Variants in HSPG2 observed in about 807,000 individuals in gnomAD.
HSPG2 encodes heparan sulfate proteoglycan 2.
In HSPG2, 278 loss-of-function variants were observed where a neutral mutation model predicts 526.6. The ratio of observed to expected loss-of-function variants is 0.53; its 90% CI spans 0.48 to 0.58. HSPG2 has a LOEUF of 0.58. Ranked by LOEUF, HSPG2 falls within the 20% of genes least tolerant of loss-of-function variation. The pLI is 0.00. For synonymous variants in HSPG2, 2,465 were observed against 2,555.4 expected, an observed-to-expected ratio of 0.96 and a Z score of 1.07; for missense variants, 5,354 against 6,099.5, an observed-to-expected ratio of 0.88 and a Z score of 4.07.
At position 21,847,896 on chromosome 1, in the gene HSPG2, CG is replaced by C. The variant is rs1557708388; in HGVS notation, c.7874-57del. 13 of 1,613,744 alleles carry C rather than the reference CG, an allele frequency of 8.1e-6. No homozygotes were observed. Among genetic ancestry groups the C allele is most frequent in the Non-Finnish European group, 1.0e-5 (12 of 1,179,986 alleles). ...CAGAGTGAGATAACAGTGATGGCAC[CG>C]GGGACCTCTCTGCCACCCTCTGCGC... On this transcript the variant is annotated intron_variant, in intron 60 of 96. Coordinates refer to ENST00000374695, the MANE Select transcript of HSPG2 (RefSeq NM_005529.7). This position sits in a 1 kb window ranked among gnomAD's most constrained non-coding sequence, Gnocchi z 4.1.
At chr1:21,855,278 C>G (rs779170241) in intron 47 of HSPG2, 26 bp downstream of exon 47, 2 of 1,591,290 alleles carry the variant, frequency 1.3e-6, no homozygotes, top group Non-Finnish European at 1.7e-6. Context: ...TGGGCCTCCT[C>G]CTCCTGGGTG....
intron 91 of HSPG2, among the ~76,000 whole-genome samples, chr1:21,825,910 C>T (rs375751100): frequency 1.3e-5 from 2 of 151,708 alleles, no homozygotes; most frequent in African/African-American, 4.8e-5. Context: ...CTTGGCCTCC[C>T]GAGTAGCTGG....
chr1:21,847,028 A>G lies in HSPG2; in HGVS notation c.8164+326T>C, dbSNP rs1194676509. On this transcript the variant is annotated intron_variant, in intron 62 of 96. Transcript: ENST00000374695. This position sits in a 1 kb window ranked among gnomAD's most constrained non-coding sequence, Gnocchi z 4.1. ...AAAAAAAAAATGATAATAATAGTTA[A>G]CACTTATAAAGCACTTCTGGCATGC... Among the ~76,000 whole-genome samples, 1 of 152,130 alleles carries G rather than the reference A, an allele frequency of 6.6e-6. No individual in the cohort carries two copies. Among genetic ancestry groups the G allele is most frequent in the Non-Finnish European group, 1.5e-5 (1 of 68,026 alleles).
rs755175085 is a variant in HSPG2 at position 21,884,705 on chromosome 1, C to T, written c.1508-31G>A. On this transcript the variant is annotated intron_variant, in intron 12 of 96. Coordinates refer to ENST00000374695, the MANE Select transcript of HSPG2 (RefSeq NM_005529.7). ...GGGCGGCATGGGCGGGGGCTGCAGCCGGCTGTGGTGGGCAGCCCGGCTCTG... is the reference window on the plus strand; with the variant it reads ...GGGCGGCATGGGCGGGGGCTGCAGCTGGCTGTGGTGGGCAGCCCGGCTCTG... The T allele has an allele frequency of 4.6e-5, 74 of 1,610,446 alleles. No individual in the cohort carries two copies. In the Admixed American group the frequency reaches 1.1e-3, roughly 23 times the overall value.
intron 6 of HSPG2, 97 bp from the exon 7 acceptor site, chr1:21,888,163 T>A: frequency 6.5e-7 from 1 of 1,531,722 alleles, no homozygotes. Flanking sequence ...TCCAGGGCCC[T>A]GTGTCAGGCA....
Position 21,888,086 on chromosome 1 carries a change from A to T in HSPG2, c.575-20T>A. Reference sequence around the variant, plus strand: ...GGGGCACTGCAGGTGGAAAGGAAGCAGACTGGAGTCAGAGGCGGCAGGAGG... The same window carrying T: ...GGGGCACTGCAGGTGGAAAGGAAGCTGACTGGAGTCAGAGGCGGCAGGAGG... On this transcript the variant is annotated intron_variant, in intron 6 of 96. Coordinates refer to ENST00000374695, the MANE Select transcript of HSPG2 (RefSeq NM_005529.7). 1.2e-6 allele frequency: 2 copies of T among 1,613,770 alleles called. No individual in the cohort carries two copies. Among genetic ancestry groups the T allele is most frequent in the Non-Finnish European group, 1.7e-6 (2 of 1,180,022 alleles).
Position 21,885,390 on chromosome 1 carries a change from CAT to C in HSPG2, c.1138_1139del (p.Met380ValfsTer9). ...PTQFRCVSTNMCIPASFHCDE... is the reference protein window; with the variant it reads ...PTQFRCVSTNXCIPASFHCDE... ...CACAGTGGAAGCTGGCTGGGATGCA[CAT>C]GTTGGTAGAGACGCATCGGAACTGT... On this transcript the variant is annotated frameshift_variant, in exon 10 of 97. Transcript: ENST00000374695. LOFTEE classifies it high-confidence loss of function. 6.2e-7 allele frequency: 1 copy of C among 1,614,110 alleles called. No homozygotes were observed. The highest frequency in any genetic ancestry group is 8.5e-7 in the Non-Finnish European group (1 of 1,180,002).
At chr1:21,934,674 C>A (rs1242668857) in intron 1 of HSPG2, among the ~76,000 whole-genome samples, 1 of 151,876 alleles carries the variant, frequency 6.6e-6, no homozygotes, top group East Asian at 1.9e-4. Flanking sequence ...CGGCTCACTG[C>A]AAGCTCCGCC....
Position 21,872,550 on chromosome 1 carries a change from A to G in HSPG2, c.4029+70T>C. ...GGCGGGGATGAGGGTCGCTGGGCTC[A>G]GTGCTCAGATGGACAGTAACAGGCA... On this transcript the variant is annotated intron_variant, in intron 32 of 96. Transcript: ENST00000374695. The surrounding 1 kb of genome is among the most constrained non-coding windows in gnomAD (Gnocchi z 5.5). 6.5e-7 allele frequency: 1 copy of G among 1,536,606 alleles called. No homozygotes were observed. The highest frequency in any genetic ancestry group is 1.2e-5 in the South Asian group (1 of 83,740).
Position 21,823,587 on chromosome 1 carries a change from C to G in HSPG2, c.13003+29G>C, listed in dbSNP as rs557283129. 11 of 1,611,356 alleles carry G rather than the reference C, an allele frequency of 6.8e-6. No homozygotes were observed. The Admixed American group carries it at 1.8e-4, about 27-fold the overall frequency. ...GCCCTAAGGGAGTGCCGTTCCTGCC[C>G]CTGCCCTGAGAAGGAGCCCCAGACT... On this transcript the variant is annotated intron_variant, in intron 96 of 96. Coordinates refer to ENST00000374695, the MANE Select transcript of HSPG2 (RefSeq NM_005529.7).
intron 16 of HSPG2, 22 bp from the exon 17 acceptor site, chr1:21,880,276 A>G: frequency 6.2e-7 from 1 of 1,614,050 alleles, no homozygotes; most frequent in African/African-American, 1.3e-5. Flanking sequence ...GGACCAAAAG[A>G]GTCGCTGCAA....
At chr1:21,873,236 G>A in intron 30 of HSPG2, 139 bp downstream of exon 30, 1 of 1,176,142 alleles carries the variant, frequency 8.5e-7, no homozygotes. Context: ...AGGTGGTGGG[G>A]CCTTCTCCTA....
chr1:21,835,336 A>G, intron 76 of HSPG2: 1 of 625,270 alleles, frequency 1.6e-6, no homozygotes, highest in Non-Finnish European at 2.9e-6. Context: ...CACACACTCC[A>G]TCCATATCCT....
chr1:21,910,998 C>A (rs1643628240), intron 1 of HSPG2, among the ~76,000 whole-genome samples: 1 of 152,180 alleles, frequency 6.6e-6, no homozygotes, highest in South Asian at 2.1e-4. Context: ...CCCTGGCATC[C>A]TGCGCCAAAT....
At position 21,890,031 on chromosome 1, in the gene HSPG2, G is replaced by A. The variant is rs1356853417; in HGVS notation, c.524C>T (p.Ala175Val). Residue 175 changes from alanine (A) to valine (V), a missense_variant, in exon 6 of 97, where the codon GCC (alanine) becomes GTC (valine). By Grantham distance (64) the Ala-to-Val change is moderately conservative. Coordinates refer to ENST00000374695, the MANE Select transcript of HSPG2 (RefSeq NM_005529.7). This position sits in a 1 kb window ranked among gnomAD's most constrained non-coding sequence, Gnocchi z 4.1. The part of the protein sequence containing the change: ...LLRVISSGSV[A>V]SYVTSPQGFQ... ...TCCCTGGGGAGAGGTGACGTAGGAG[G>A]CCACAGAGCCGCTGGAGATGACCCT... is the stretch of plus-strand genomic sequence containing the variant. 1.2e-6 allele frequency: 2 copies of A among 1,614,086 alleles called. No homozygotes were observed. Among genetic ancestry groups the A allele is most frequent in the East Asian group, 2.2e-5 (1 of 44,878 alleles).
chr1:21,836,915 C>T lies in HSPG2; in HGVS notation c.10242G>A (p.Gly3414=), dbSNP rs1444718283. ...VTPQLETKSI[G]ASVEFHCAVP... ...CAGCACAGTGGAACTCAACGCTGGC[C>T]CCAATGCTCTTGGTCTCTAGCTGAG... is the stretch of plus-strand genomic sequence containing the variant. Residue 3414 remains glycine, a synonymous_variant, in exon 75 of 97, where the codon GGG becomes GGA. Transcript: ENST00000374695. 2 of 1,560,062 alleles carry T rather than the reference C, an allele frequency of 1.3e-6. No homozygotes were observed. The highest frequency in any genetic ancestry group is 4.8e-5 in the East Asian group (2 of 41,702).
Position 21,850,064 on chromosome 1 carries a change from C to T in HSPG2, c.7423G>A (p.Gly2475Ser). The T allele has an allele frequency of 6.2e-7, 1 of 1,613,406 alleles. No individual in the cohort carries two copies. Among genetic ancestry groups the T allele is most frequent in the Non-Finnish European group, 8.5e-7 (1 of 1,180,006 alleles). ...HAQVTWHKRG[G>S]SLPARHQVHG... ...ACCTGGTGCCGGGCCGGGAGGCTGCCCCCGCGCTTGTGCCACGTGACCTGG... is the reference window on the plus strand; with the variant it reads ...ACCTGGTGCCGGGCCGGGAGGCTGCTCCCGCGCTTGTGCCACGTGACCTGG... Residue 2475 changes from glycine to serine, a missense_variant, in exon 57 of 97, where the codon GGC becomes AGC. Transcript: ENST00000374695.
Position 21,842,232 on chromosome 1 carries a change from T to C in HSPG2, c.9052+7A>G. 1 of 1,613,548 alleles carries C rather than the reference T, an allele frequency of 6.2e-7. No homozygotes were observed. The highest frequency in any genetic ancestry group is 8.5e-7 in the Non-Finnish European group (1 of 1,179,872). On this transcript the variant is annotated splice_region_variant and intron_variant, in intron 68 of 96. Transcript: ENST00000374695. ...CCCCCCTTGCCCATGGCATCTGCCATACTCACGGTAGGAAGACCCCTCACT... is the reference window on the plus strand; with the variant it reads ...CCCCCCTTGCCCATGGCATCTGCCACACTCACGGTAGGAAGACCCCTCACT...
At chr1:21,880,026 G>T in intron 17 of HSPG2, 81 bp downstream of exon 17, 1 of 1,507,308 alleles carries the variant, frequency 6.6e-7, no homozygotes, top group Non-Finnish European at 9.2e-7. Flanking sequence ...GGAGGCTTGT[G>T]CTGAGCTCAT....
Sources: gnomAD v4.1 joint callset for allele counts (sites outside exome capture counted in the v4.1 genomes callset) on GRCh38, gnomAD v4.1.1 for gene constraint, Gnocchi (gnomAD v3.1) non-coding constraint, MANE v1.5 for transcripts, NCBI Gene and HGNC (gene_info 2026-07-23, HGNC 2026-07-21) for gene names.